The following ADGRB3 variants were observed in gnomAD, a reference collection of about 807,000 sequenced individuals.
ADGRB3 encodes the protein brain-specific angiogenesis inhibitor 3.
ADGRB3 carries 37 observed loss-of-function variants against 193.4 expected under a neutral mutation model. The ratio of observed to expected loss-of-function variants is 0.19; its 90% confidence interval spans 0.15 to 0.25. ADGRB3 has a LOEUF of 0.25. Among genes scored for constraint, ADGRB3 ranks in the 10% least tolerant of loss-of-function variants. The probability of loss-of-function intolerance (pLI) is 1.00; values close to 1 mark genes in which losing one functional copy is unlikely to be tolerated. For missense variants in ADGRB3, 1,637 were observed against 1,852.9 expected, an observed-to-expected ratio of 0.88 and a Z score of 2.14; for synonymous variants, 690 against 644.2, an observed-to-expected ratio of 1.07 and a Z score of -1.08.
chr6:68,764,904 T>C (rs1277219734), intron 3 of ADGRB3, among the ~76,000 whole-genome samples: 1 of 152,222 alleles, frequency 6.6e-6, no homozygotes, highest in Non-Finnish European at 1.5e-5. Flanking sequence ...AAGTGTTTCA[T>C]ATTTTGGTAA....
At chr6:68,950,974 C>G (rs1435195814) in intron 6 of ADGRB3, among the ~76,000 whole-genome samples, 1 of 152,146 alleles carries the variant, frequency 6.6e-6, no homozygotes, top group African/African-American at 2.4e-5. Context: ...CTATAGGGCC[C>G]TATAAGATCT....
intron 3 of ADGRB3, among the ~76,000 whole-genome samples, chr6:68,885,114 T>C (rs1019168859): frequency 6.6e-6 from 1 of 152,146 alleles, no homozygotes; most frequent in Non-Finnish European, 1.5e-5. Context: ...CAGAAAATGA[T>C]TGGTCAGAGG....
chr6:68,787,790 T>A (rs1187397788), intron 3 of ADGRB3, among the ~76,000 whole-genome samples: 1 of 152,052 alleles, frequency 6.6e-6, no homozygotes, highest in African/African-American at 2.4e-5. Context: ...GTCCTGGACT[T>A]TTTTTGGTTG....
intron 3 of ADGRB3, among the ~76,000 whole-genome samples, chr6:68,698,687 T>C (rs1369245907): frequency 6.6e-6 from 1 of 152,060 alleles, no homozygotes; most frequent in Non-Finnish European, 1.5e-5. Flanking sequence ...TGGTTATTGA[T>C]AATGAGATTA....
chr6:69,314,707 A>G (rs1157861351), intron 20 of ADGRB3, among the ~76,000 whole-genome samples: 2 of 151,604 alleles, frequency 1.3e-5, no homozygotes, highest in South Asian at 2.1e-4. Context: ...ACTTGGGTCT[A>G]TGAGAGAGGT....
At chr6:69,367,153 A>C (rs1769589432) in intron 29 of ADGRB3, among the ~76,000 whole-genome samples, 1 of 152,142 alleles carries the variant, frequency 6.6e-6, no homozygotes, top group African/African-American at 2.4e-5. Context: ...AGAAACTGTA[A>C]GTGCAGTGAT....
At chr6:68,876,187 A>T (rs1582275304) in intron 3 of ADGRB3, among the ~76,000 whole-genome samples, 1 of 152,192 alleles carries the variant, frequency 6.6e-6, no homozygotes, top group African/African-American at 2.4e-5. Flanking sequence ...ATTACTATAC[A>T]CATATACAAG....
intron 17 of ADGRB3, among the ~76,000 whole-genome samples, chr6:69,108,812 T>C (rs1773289200): frequency 6.6e-6 from 1 of 152,182 alleles, no homozygotes; most frequent in African/African-American, 2.4e-5. Flanking sequence ...GCCAGTGTTA[T>C]GGTAAAGACA....
intron 15 of ADGRB3, among the ~76,000 whole-genome samples, chr6:69,052,297 G>T (rs1039532904): frequency 6.6e-6 from 1 of 152,202 alleles, no homozygotes; most frequent in Non-Finnish European, 1.5e-5. Context: ...AGGATTAAAA[G>T]ATGTGTATTT....
At chr6:69,110,346 T>G (rs1202349593) in intron 17 of ADGRB3, among the ~76,000 whole-genome samples, 4 of 152,214 alleles carry the variant, frequency 2.6e-5, no homozygotes, top group African/African-American at 9.6e-5. Context: ...GAGTTAAAGA[T>G]AGAATAAGAC....
chr6:68,890,073 C>T (rs981572873), intron 3 of ADGRB3, among the ~76,000 whole-genome samples: 3 of 152,106 alleles, frequency 2.0e-5, no homozygotes, highest in Admixed American at 1.3e-4. Context: ...ATTTTCTGTA[C>T]ATTGTATGAT....
At chr6:69,123,095 T>C (rs1278333211) in intron 17 of ADGRB3, among the ~76,000 whole-genome samples, 1 of 151,926 alleles carries the variant, frequency 6.6e-6, no homozygotes, top group Non-Finnish European at 1.5e-5. Context: ...TAGTTAGCCA[T>C]GTTGATTTTC....
intron 3 of ADGRB3, among the ~76,000 whole-genome samples, chr6:68,666,743 A>G (rs528508490): frequency 6.6e-6 from 1 of 151,950 alleles, no homozygotes; most frequent in East Asian, 1.9e-4. Flanking sequence ...AAACTTATTA[A>G]TGTCATAACT....
intron 17 of ADGRB3, among the ~76,000 whole-genome samples, chr6:69,091,412 G>A (rs2150317669): frequency 6.6e-6 from 1 of 152,260 alleles, no homozygotes; most frequent in African/African-American, 2.4e-5. Flanking sequence ...GTGATAGACT[G>A]GATAAAGAAA....
Position 68,783,291 on chromosome 6 carries a change from A to AATATAT in ADGRB3, c.757+143871_757+143876dup, listed in dbSNP as rs72235249. On this transcript the variant is annotated intron_variant, in intron 3 of 31. Coordinates refer to ENST00000370598, the MANE Select transcript of ADGRB3 (RefSeq NM_001704.3). ...AACACTGCCCTATATTGCCTCCCTA[A>AATATAT]ATATATATATATATATAACATACAT... Among the ~76,000 whole-genome samples the AATATAT allele has an allele frequency of 3.0e-4, 43 of 144,064 alleles. No homozygotes were observed. The South Asian group carries it at 7.2e-3, about 24-fold the overall frequency. 94.5% of individuals were successfully genotyped at this position (144,064 alleles called of 152,430 possible). A position where few individuals can be genotyped will look rare whatever the true frequency, so the allele number is the denominator to read the frequency against.
At chr6:69,074,972 A>G (rs1389179212) in intron 16 of ADGRB3, among the ~76,000 whole-genome samples, 2 of 152,186 alleles carry the variant, frequency 1.3e-5, no homozygotes, top group East Asian at 1.9e-4. Flanking sequence ...GCAATACTGA[A>G]TGGGTGGGAT....
chr6:69,256,483 C>A (rs1419706347), intron 20 of ADGRB3, among the ~76,000 whole-genome samples: 2 of 152,048 alleles, frequency 1.3e-5, no homozygotes, highest in Non-Finnish European at 2.9e-5. Context: ...TGGGCGTTCA[C>A]TCATGATTTG....
intron 3 of ADGRB3, among the ~76,000 whole-genome samples, chr6:68,809,556 G>A (rs919899389): frequency 9.2e-5 from 14 of 152,124 alleles, no homozygotes; most frequent in African/African-American, 3.4e-4. Context: ...TATGTCTTCT[G>A]AGATTATAAA....
At chr6:68,732,949 G>T (rs1765800039) in intron 3 of ADGRB3, among the ~76,000 whole-genome samples, 1 of 151,944 alleles carries the variant, frequency 6.6e-6, no homozygotes, top group South Asian at 2.1e-4. Flanking sequence ...GCTGGACCAA[G>T]ATTTTTTATT....
Sources: allele counts gnomAD v4.1 joint callset (sites outside exome capture counted in the v4.1 genomes callset), GRCh38; gene constraint gnomAD v4.1.1; transcripts MANE v1.5; gene names NCBI Gene and HGNC (gene_info 2026-07-23, HGNC 2026-07-21).